Variants in PRDM10 observed in about 807,000 individuals in gnomAD.
PRDM10 encodes the protein PR/SET domain 10.
A neutral mutation model predicts 133.1 loss-of-function variants in PRDM10; 65 were observed. The observed-to-expected ratio is 0.49, with a 90% CI of 0.40 to 0.60. PRDM10 has a LOEUF of 0.60. PRDM10 is among the 20% of genes least tolerant of loss of function. PRDM10 has a pLI of 0.00. For synonymous variants in PRDM10, 582 were observed against 580.4 expected, an observed-to-expected ratio of 1.00 and a Z score of -0.04; for missense variants, 1,137 against 1,507.1, an observed-to-expected ratio of 0.75 and a Z score of 4.07.
rs745537132 is a variant in PRDM10 at position 129,942,591 on chromosome 11, T to C, written c.801A>G (p.Leu267=). The C allele has an allele frequency of 6.2e-7, 1 of 1,614,152 alleles. No homozygotes were observed. The highest frequency in any genetic ancestry group is 1.1e-5 in the South Asian group (1 of 91,080). The change falls in exon 7 of 21, where the codon TTA becomes TTG. Residue 267 remains leucine (L), a synonymous_variant. Transcript: ENST00000360871. ...LDKGDRKERD[L]HEDLWFELSD... is the part of the protein sequence containing the mutation. Reference sequence around the variant, plus strand: ...ACAACTCAAACCATAGGTCTTCATGTAAATCCCTTTCTTTCCTGTCCCCTT... The same window carrying C: ...ACAACTCAAACCATAGGTCTTCATGCAAATCCCTTTCTTTCCTGTCCCCTT...
At chr11:129,910,263 C>G (rs1849765042) in intron 19 of PRDM10, among the ~76,000 whole-genome samples, 1 of 152,192 alleles carries the variant, frequency 6.6e-6, no homozygotes, top group Non-Finnish European at 1.5e-5. Context: ...AGCAATATAC[C>G]TGACGTTTCG....
intron 1 of PRDM10, among the ~76,000 whole-genome samples, chr11:129,975,513 A>G (rs760752155): frequency 2.8e-4 from 42 of 152,182 alleles, no homozygotes; most frequent in Non-Finnish European, 4.6e-4. Context: ...ACGTAAATAA[A>G]AACTGCTGGA....
intron 18 of PRDM10, 96 bp from the exon 19 acceptor site, chr11:129,910,752 A>C (rs1950164289): frequency 1.8e-6 from 2 of 1,098,266 alleles, no homozygotes; most frequent in East Asian, 2.9e-5. Context: ...ACTCATATGA[A>C]TTATAATACT....
chr11:129,967,928 T>G (rs1177060733), intron 1 of PRDM10, among the ~76,000 whole-genome samples: 2 of 152,030 alleles, frequency 1.3e-5, no homozygotes, highest in Admixed American at 1.3e-4. Flanking sequence ...CCACTCACCA[T>G]CCACCAGCCT....
chr11:129,943,013 G>T (rs565841514), intron 6 of PRDM10, among the ~76,000 whole-genome samples: 2 of 152,260 alleles, frequency 1.3e-5, no homozygotes, highest in East Asian at 3.9e-4. Flanking sequence ...CCAGGGATAG[G>T]CATTTCTCTT....
chr11:129,913,710 G>A (rs190131309), intron 17 of PRDM10, among the ~76,000 whole-genome samples: 1 of 152,156 alleles, frequency 6.6e-6, no homozygotes, highest in Non-Finnish European at 1.5e-5. Flanking sequence ...AAAGCCTGAA[G>A]TTAAAAACCC....
Position 129,945,084 on chromosome 11 carries a change from G to A in PRDM10, c.521-72C>T, listed in dbSNP as rs2135875472. 6.4e-7 allele frequency: 1 copy of A among 1,569,600 alleles called. No individual in the cohort carries two copies. The highest frequency in any genetic ancestry group is 1.2e-5 in the South Asian group (1 of 84,118). On this transcript the variant is annotated intron_variant, in intron 5 of 20. Coordinates refer to ENST00000360871, the MANE Select transcript of PRDM10 (RefSeq NM_199437.2). This position sits in a 1 kb window ranked among gnomAD's most constrained non-coding sequence, Gnocchi z 4.2. ...GACTTGATGTGAGGTAAAAAATTCT[G>A]ACCCGAAAAATCCCCGTCTGCATTT...
Position 129,923,426 on chromosome 11 carries a change from AATTCAGGGGACG to A in PRDM10, c.1879-35_1879-24del, listed in dbSNP as rs1434654824. 6.3e-7 allele frequency: 1 copy of A among 1,592,816 alleles called. No individual in the cohort carries two copies. Among genetic ancestry groups the A allele is most frequent in the East Asian group, 2.3e-5 (1 of 44,370 alleles). ...CACCTGGTGATAAGAACCACAGGAAAATTCAGGGGACGCAGGCACCAAATGAAATGACCAAAG... is the reference window on the plus strand; with the variant it reads ...CACCTGGTGATAAGAACCACAGGAAACAGGCACCAAATGAAATGACCAAAG... On this transcript the variant is annotated intron_variant, in intron 12 of 20. Coordinates refer to ENST00000360871, the MANE Select transcript of PRDM10 (RefSeq NM_199437.2). This position sits in a 1 kb window ranked among gnomAD's most constrained non-coding sequence, Gnocchi z 4.4.
chr11:129,929,574 T>C (rs2135805246), intron 11 of PRDM10, among the ~76,000 whole-genome samples: 1 of 151,792 alleles, frequency 6.6e-6, no homozygotes, highest in Admixed American at 6.6e-5. Flanking sequence ...AAAAACAAAA[T>C]AGCTCAACTA....
rs904932518 is a variant in PRDM10 at position 129,945,744 on chromosome 11, G to C, written c.521-732C>G. Among the ~76,000 whole-genome samples, 1 of 152,122 alleles carries C rather than the reference G, an allele frequency of 6.6e-6. No individual in the cohort carries two copies. Among genetic ancestry groups the C allele is most frequent in the Non-Finnish European group, 1.5e-5 (1 of 68,038 alleles). On this transcript the variant is annotated intron_variant, in intron 5 of 20. Transcript: ENST00000360871. This position sits in a 1 kb window ranked among gnomAD's most constrained non-coding sequence, Gnocchi z 4.2. ...ACAGGTACAGCCCCAAAACGGAGGAGAGCAAATGGACCACACAGGCCATGC... is the reference window on the plus strand; with the variant it reads ...ACAGGTACAGCCCCAAAACGGAGGACAGCAAATGGACCACACAGGCCATGC...
intron 1 of PRDM10, among the ~76,000 whole-genome samples, chr11:129,988,776 T>C (rs112167032): frequency 0.075 from 11,372 of 151,908 alleles, 1,215 homozygotes; most frequent in African/African-American, 0.24. Context: ...ACTACAGGCG[T>C]CCGCCACCAC....
intron 17 of PRDM10, among the ~76,000 whole-genome samples, 180 bp from the exon 18 acceptor site, chr11:129,912,405 G>A (rs1330168396): frequency 1.3e-5 from 2 of 151,980 alleles, no homozygotes; most frequent in Non-Finnish European, 2.9e-5. Context: ...AGGAGTTCGA[G>A]ACCAGCCTGG....
At chr11:129,976,586 T>C (rs1937770861) in intron 1 of PRDM10, among the ~76,000 whole-genome samples, 1 of 152,228 alleles carries the variant, frequency 6.6e-6, no homozygotes, top group South Asian at 2.1e-4. Context: ...CAGCTGCTGA[T>C]GACCACATGA....
intron 17 of PRDM10, among the ~76,000 whole-genome samples, chr11:129,913,234 A>C (rs1003056440): frequency 6.6e-6 from 1 of 151,736 alleles, no homozygotes; most frequent in Non-Finnish European, 1.5e-5. Context: ...AAAAAAAAAA[A>C]AAAAAACCAA....
In PRDM10 at chr11:129,947,865, C is replaced by T; in HGVS notation, c.295-495G>A. ...GGTATCATCAGTTTCCACATCTGAA[C>T]TAAACCTGGGGTGGGGGTCCCTCTT... On this transcript the variant is annotated intron_variant, in intron 4 of 20. Coordinates refer to ENST00000360871, the MANE Select transcript of PRDM10 (RefSeq NM_199437.2). This position sits in a 1 kb window ranked among gnomAD's most constrained non-coding sequence, Gnocchi z 4.6. 2.7e-6 allele frequency: 1 copy of T among 366,796 alleles called. No homozygotes were observed. Among genetic ancestry groups the T allele is most frequent in the South Asian group, 2.1e-5 (1 of 48,514 alleles). The allele number at this position is 366,796 out of a possible 1,614,324, so 22.7% of individuals were successfully genotyped here.
chr11:129,969,568 C>T (rs1419745444), intron 1 of PRDM10, among the ~76,000 whole-genome samples: 8 of 150,384 alleles, frequency 5.3e-5, no homozygotes, highest in African/African-American at 9.8e-5. Flanking sequence ...CCAAGGTGGG[C>T]GGATCACTTG....
intron 19 of PRDM10, among the ~76,000 whole-genome samples, chr11:129,909,908 C>A (rs1392627448): frequency 6.6e-6 from 1 of 152,164 alleles, no homozygotes; most frequent in Non-Finnish European, 1.5e-5. Context: ...TGCCTGGGTT[C>A]CAATCCTCTG....
intron 1 of PRDM10, among the ~76,000 whole-genome samples, chr11:129,993,595 C>T (rs1322748291): frequency 1.3e-5 from 2 of 152,182 alleles, no homozygotes; most frequent in Non-Finnish European, 2.9e-5. Context: ...CACCATTCTC[C>T]TGCCTCAGCC....
chr11:129,946,104 C>T (rs1012337380), intron 5 of PRDM10, among the ~76,000 whole-genome samples: 6 of 151,460 alleles, frequency 4.0e-5, no homozygotes, highest in East Asian at 1.9e-4. Flanking sequence ...ATTAGCTGGG[C>T]GTGGTGGTGC....
Sources: allele counts gnomAD v4.1 joint callset (sites outside exome capture counted in the v4.1 genomes callset), GRCh38; gene constraint gnomAD v4.1.1; non-coding constraint Gnocchi (gnomAD v3.1); transcripts MANE v1.5; gene names NCBI Gene and HGNC (gene_info 2026-07-23, HGNC 2026-07-21).